The following PHACTR1 variants were observed in gnomAD, a reference collection of about 807,000 sequenced individuals.
The protein encoded by PHACTR1 is phosphatase and actin regulator 1.
In PHACTR1, 16 loss-of-function variants were observed where a neutral mutation model predicts 69.2. The ratio of observed to expected loss-of-function variants is 0.23; its 90% CI spans 0.16 to 0.35. The LOEUF (loss-of-function observed/expected upper bound fraction) is 0.35, where lower values mean the gene tolerates loss of function less well. Among genes scored for constraint, PHACTR1 ranks in the 10% least tolerant of loss-of-function variants. PHACTR1 has a pLI of 1.00. For synonymous variants in PHACTR1, 312 were observed against 284.5 expected (o/e 1.10, Z -0.97); for missense variants, 510 against 734.7 (o/e 0.69, Z 3.54).
chr6:13,159,207 G>T (rs1041398701), intron 5 of PHACTR1, among the ~76,000 whole-genome samples: 2 of 152,156 alleles, frequency 1.3e-5, no homozygotes, highest in South Asian at 4.1e-4. Context: ...TGGGGCCATG[G>T]TGGAGGTGCA....
chr6:12,922,468 A>G (rs1285228374), intron 4 of PHACTR1, among the ~76,000 whole-genome samples: 1 of 148,438 alleles, frequency 6.7e-6, no homozygotes, highest in East Asian at 1.9e-4. Context: ...CAGAGCCATC[A>G]GCATCCATAA....
intron 4 of PHACTR1, among the ~76,000 whole-genome samples, chr6:12,880,975 T>C (rs1783036719): frequency 6.6e-6 from 1 of 151,890 alleles, no homozygotes; most frequent in South Asian, 2.1e-4. Flanking sequence ...GTGAAGGTCA[T>C]TATCTAAGGG....
At chr6:12,964,391 T>A (rs1240057426) in intron 4 of PHACTR1, among the ~76,000 whole-genome samples, 1 of 152,200 alleles carries the variant, frequency 6.6e-6, no homozygotes, top group Non-Finnish European at 1.5e-5. Context: ...AGAGATGTTT[T>A]TAACCTAAGA....
At chr6:13,080,237 A>T (rs184761264) in intron 5 of PHACTR1, among the ~76,000 whole-genome samples, 2 of 152,174 alleles carry the variant, frequency 1.3e-5, no homozygotes, top group African/African-American at 4.8e-5. Flanking sequence ...ATTTGAATGC[A>T]TTTCTTTAGG....
intron 5 of PHACTR1, among the ~76,000 whole-genome samples, chr6:13,153,052 A>C (rs939825798): frequency 2.0e-5 from 3 of 152,142 alleles, no homozygotes; most frequent in Admixed American, 6.5e-5. Context: ...GGTGGTCAGG[A>C]CTGTGGGCTC....
At chr6:12,815,950 G>A (rs187780991) in intron 4 of PHACTR1, among the ~76,000 whole-genome samples, 2 of 152,266 alleles carry the variant, frequency 1.3e-5, no homozygotes, top group Admixed American at 6.5e-5. Flanking sequence ...AATATTTCCT[G>A]GGCATATACT....
At chr6:13,256,070 C>T (rs1775153991) in intron 10 of PHACTR1, among the ~76,000 whole-genome samples, 2 of 152,260 alleles carry the variant, frequency 1.3e-5, no homozygotes, top group South Asian at 2.1e-4. Flanking sequence ...TCCATACATA[C>T]TCTAAAGTCT....
chr6:13,088,455 A>G (rs1030887511), intron 5 of PHACTR1, among the ~76,000 whole-genome samples: 3 of 152,068 alleles, frequency 2.0e-5, no homozygotes, highest in Non-Finnish European at 4.4e-5. Flanking sequence ...CTAACTTCAA[A>G]TATCTACCTA....
chr6:12,808,391 C>T (rs1339691744), intron 4 of PHACTR1, among the ~76,000 whole-genome samples: 1 of 152,170 alleles, frequency 6.6e-6, no homozygotes, highest in Non-Finnish European at 1.5e-5. Flanking sequence ...TTTGCATTCA[C>T]TTTGTTCCAA....
intron 5 of PHACTR1, among the ~76,000 whole-genome samples, chr6:13,065,934 A>G (rs1365376811): frequency 1.3e-5 from 2 of 150,780 alleles, no homozygotes; most frequent in African/African-American, 4.9e-5. Flanking sequence ...GAATGATTGG[A>G]GCATTTCATT....
In PHACTR1 at chr6:12,923,990, A is replaced by G. The variant is rs148547450; in HGVS notation, c.251-129375A>G. 6.2e-4 allele frequency among the ~76,000 whole-genome samples: 95 copies of G among 152,356 alleles called. 1 individual carries two copies. The highest frequency in any genetic ancestry group is 1.5e-3 in the African/African-American group (64 of 41,582). On this transcript the variant is annotated intron_variant, in intron 4 of 14. Coordinates refer to ENST00000332995, the MANE Select transcript of PHACTR1 (RefSeq NM_030948.6). ...AGCTTCTGTTCGTGGTAATAAGGTAACATTCTAAAGTAAACTGAATATCAA... is the reference window on the plus strand; with the variant it reads ...AGCTTCTGTTCGTGGTAATAAGGTAGCATTCTAAAGTAAACTGAATATCAA...
intron 5 of PHACTR1, among the ~76,000 whole-genome samples, chr6:13,075,690 G>A (rs1810348531): frequency 6.6e-6 from 1 of 152,118 alleles, no homozygotes; most frequent in Admixed American, 6.6e-5. Context: ...GAAATACACA[G>A]AGGATTTATC....
At chr6:13,061,869 A>G (rs1024216204) in intron 5 of PHACTR1, among the ~76,000 whole-genome samples, 3 of 152,204 alleles carry the variant, frequency 2.0e-5, no homozygotes, top group Non-Finnish European at 2.9e-5. Context: ...AAAGTACTGC[A>G]GTTCAATTGA....
intron 4 of PHACTR1, among the ~76,000 whole-genome samples, chr6:12,952,299 G>A (rs1791392356): frequency 3.3e-5 from 5 of 152,144 alleles, no homozygotes. Context: ...TGTGGGTTTG[G>A]ATAAATGTTT....
chr6:13,053,343 T>A, intron 4 of PHACTR1, 22 bp from the exon 5 acceptor site: 1 of 1,580,654 alleles, frequency 6.3e-7, no homozygotes, highest in Admixed American at 1.8e-5. Context: ...TTTGTTTTCA[T>A]CTCTTTCTTG....
At chr6:12,774,897 A>C (rs1769859953) in intron 4 of PHACTR1, among the ~76,000 whole-genome samples, 1 of 152,212 alleles carries the variant, frequency 6.6e-6, no homozygotes, top group Admixed American at 6.5e-5. Context: ...TTTCCAAATA[A>C]AGTGAAGTAA....
chr6:12,790,585 G>C (rs1772146382), intron 4 of PHACTR1, among the ~76,000 whole-genome samples: 1 of 152,162 alleles, frequency 6.6e-6, no homozygotes, highest in Non-Finnish European at 1.5e-5. Flanking sequence ...TGTCTGTTTT[G>C]TTCAGTAACC....
At chr6:13,055,922 A>G (rs772140379) in intron 5 of PHACTR1, among the ~76,000 whole-genome samples, 2 of 152,264 alleles carry the variant, frequency 1.3e-5, no homozygotes, top group Non-Finnish European at 2.9e-5. Flanking sequence ...ATTAATGATC[A>G]TAGCAAGTTC....
intron 5 of PHACTR1, among the ~76,000 whole-genome samples, chr6:13,116,466 T>C (rs2127928356): frequency 6.6e-6 from 1 of 152,332 alleles, no homozygotes; most frequent in Non-Finnish European, 1.5e-5. Flanking sequence ...TCCCATGCAT[T>C]AAGTCATTTA....
Sources: allele counts gnomAD v4.1 joint callset (sites outside exome capture counted in the v4.1 genomes callset), GRCh38; gene constraint gnomAD v4.1.1; transcripts MANE v1.5; gene names NCBI Gene and HGNC (gene_info 2026-07-23, HGNC 2026-07-21).